Variants in RYR1 observed in about 807,000 individuals in gnomAD.
The protein encoded by RYR1 is ryanodine receptor 1, also known as central core disease of muscle.
Under a neutral mutation model 583.5 loss-of-function variants are expected in RYR1, and 342 were observed. The ratio of observed to expected loss-of-function variants is 0.59; its 90% confidence interval spans 0.54 to 0.64. The LOEUF is 0.64. Among genes scored for constraint, RYR1 ranks in the 30% least tolerant of loss-of-function variants. The pLI, the probability that RYR1 is intolerant of heterozygous loss-of-function variation, is 0.00. For missense variants in RYR1, 6,032 were observed against 6,917.2 expected (o/e 0.87, Z 4.54); for synonymous variants, 2,791 against 2,822.5 (o/e 0.99, Z 0.35).
At position 38,499,706 on chromosome 19, in the gene RYR1, G is replaced by T. The variant is rs146306934; in HGVS notation, c.7099G>T (p.Ala2367Ser). ...CCGGAAGCCTGAGTGCTTCGGACCC[G>T]CCCTGCGGGGTGAGGGTGGCTCAGG... ...LIRKPECFGP[A>S]LRGEGGSGLL... Residue 2367 changes from alanine to serine, a missense_variant, in exon 44 of 106, where the codon GCC (alanine) becomes TCC (serine). Coordinates refer to ENST00000359596, the MANE Select transcript of RYR1 (RefSeq NM_000540.3). This position sits in a 1 kb window ranked among gnomAD's most constrained non-coding sequence, Gnocchi z 7.3. 7 of 1,601,198 alleles carry T rather than the reference G, an allele frequency of 4.4e-6. No individual in the cohort carries two copies. The highest frequency in any genetic ancestry group is 5.9e-6 in the Non-Finnish European group (7 of 1,179,678).
intron 83 of RYR1, chr19:38,537,148 C>A: frequency 3.1e-6 from 1 of 318,826 alleles, no homozygotes; most frequent in South Asian, 4.3e-5. Flanking sequence ...TCTCTGCACC[C>A]CGACCTCAGA....
chr19:38,546,834 C>G (rs1972450948), intron 88 of RYR1, among the ~76,000 whole-genome samples: 1 of 144,260 alleles, frequency 6.9e-6, no homozygotes, highest in African/African-American at 2.6e-5. Flanking sequence ...TGCCTGTAGA[C>G]CCAGCTACTC....
chr19:38,518,900 C>T (rs1446769847), intron 66 of RYR1, among the ~76,000 whole-genome samples: 1 of 150,424 alleles, frequency 6.6e-6, no homozygotes, highest in Admixed American at 6.6e-5. Flanking sequence ...GCACTCCAGT[C>T]TGGGTGACAA....
At chr19:38,557,500 G>A (rs960825376) in intron 89 of RYR1, among the ~76,000 whole-genome samples, 5 of 152,238 alleles carry the variant, frequency 3.3e-5, no homozygotes, top group African/African-American at 9.6e-5. Flanking sequence ...CAGCGAAGCT[G>A]AGAGTTGAAA....
chr19:38,582,975 T>C (rs1599669653), intron 101 of RYR1, among the ~76,000 whole-genome samples: 1 of 152,076 alleles, frequency 6.6e-6, no homozygotes. Context: ...AGGATGACTG[T>C]GTTCTCTCAC....
intron 12 of RYR1, among the ~76,000 whole-genome samples, chr19:38,452,419 G>T (rs936264065): frequency 5.3e-5 from 8 of 152,088 alleles, no homozygotes; most frequent in African/African-American, 1.7e-4. Flanking sequence ...GACAGAGCGA[G>T]ACCCTTCTCA....
rs750801612 is a variant in RYR1, at chr19:38,448,904, A to G, written c.1122+91A>G. The G allele has an allele frequency of 1.3e-4, 159 of 1,237,480 alleles. 1 individual carries two copies. The highest frequency in any genetic ancestry group is 1.7e-4 in the Non-Finnish European group (152 of 869,088). The allele number at this position is 1,237,480 out of a possible 1,614,324, so 76.7% of individuals were successfully genotyped here. Reference sequence around the variant, plus strand: ...GCTGCAGTGAGCTGGTGATCATGCCACTGTACTCCAGCCTGGGTGACAGAG... The same window carrying G: ...GCTGCAGTGAGCTGGTGATCATGCCGCTGTACTCCAGCCTGGGTGACAGAG... On this transcript the variant is annotated intron_variant, in intron 11 of 105. Transcript: ENST00000359596.
chr19:38,484,943 C>T (rs1373020534), intron 33 of RYR1, among the ~76,000 whole-genome samples: 1 of 151,986 alleles, frequency 6.6e-6, no homozygotes, highest in Non-Finnish European at 1.5e-5. Flanking sequence ...TGCACTCTAG[C>T]CTGGGCAACA....
chr19:38,561,028 G>C lies in RYR1; in HGVS notation c.12283-85G>C. 7.8e-7 allele frequency: 1 copy of C among 1,289,054 alleles called. No homozygotes were observed. Among genetic ancestry groups the C allele is most frequent in the Non-Finnish European group, 1.1e-6 (1 of 916,764 alleles). The allele number at this position is 1,289,054 out of a possible 1,614,324, so 79.9% of individuals were successfully genotyped here. On this transcript the variant is annotated intron_variant, in intron 89 of 105. Transcript: ENST00000359596. This position sits in a 1 kb window ranked among gnomAD's most constrained non-coding sequence, Gnocchi z 4.8. ...TGCACTCCAGCCTGGGCGACACAGC[G>C]AGACCTTGTCTTAAAAAAAAAAAAA...
intron 61 of RYR1, 72 bp from the exon 62 acceptor site, chr19:38,512,000 T>C: frequency 6.6e-7 from 1 of 1,524,414 alleles, no homozygotes; most frequent in South Asian, 1.2e-5. Context: ...GCGGTTGGGG[T>C]GGATGTAGAG....
chr19:38,501,515 G>T (rs910782885), intron 47 of RYR1, among the ~76,000 whole-genome samples: 4 of 152,146 alleles, frequency 2.6e-5, no homozygotes, highest in African/African-American at 9.7e-5. Flanking sequence ...TATTTTGTTC[G>T]CAGTATTGGT....
chr19:38,510,146 C>A (rs1970661344), intron 58 of RYR1, among the ~76,000 whole-genome samples: 1 of 151,998 alleles, frequency 6.6e-6, no homozygotes, highest in Admixed American at 6.6e-5. Context: ...CATGGTGAAA[C>A]CTTGGCTGTA....
At chr19:38,511,464 C>G in intron 60 of RYR1, 97 bp from the exon 61 acceptor site, 1 of 1,277,916 alleles carries the variant, frequency 7.8e-7, no homozygotes, top group Non-Finnish European at 1.1e-6. Context: ...CTTGTCTTCT[C>G]TGTCCCTGTC....
At chr19:38,493,710 G>C (rs532703342) in intron 38 of RYR1, among the ~76,000 whole-genome samples, 14 of 152,006 alleles carry the variant, frequency 9.2e-5, no homozygotes, top group African/African-American at 3.4e-4. Context: ...AGTAGAGACG[G>C]GGCTTCACCA....
Position 38,580,451 on chromosome 19 carries a change from A to G in RYR1, c.14593A>G (p.Asn4865Asp), listed in dbSNP as rs758880761. 6.2e-7 allele frequency: 1 copy of G among 1,614,160 alleles called. No homozygotes were observed. Among genetic ancestry groups the G allele is most frequent in the Non-Finnish European group, 8.5e-7 (1 of 1,180,040 alleles). ...CTTCAACTTCTTCCGCAAGTTCTAC[A>G]ACAAGAGCGAGGATGAGGATGAACC... ...VAFNFFRKFYNKSEDEDEPDM... is the reference protein window; with the variant it reads ...VAFNFFRKFYDKSEDEDEPDM... The change falls in exon 101 of 106, where the codon AAC becomes GAC. Residue 4865 changes from asparagine (N) to aspartate (D), a missense_variant. Transcript: ENST00000359596.
chr19:38,512,040 T>C lies in RYR1; in HGVS notation c.9173-32T>C. ...GCACTGTCCTCTGTCCTCTTAGCCA[T>C]GGCATCCCCCCGGCCCATCTTCCTC... On this transcript the variant is annotated intron_variant, in intron 61 of 105. Coordinates refer to ENST00000359596, the MANE Select transcript of RYR1 (RefSeq NM_000540.3). This position sits in a 1 kb window ranked among gnomAD's most constrained non-coding sequence, Gnocchi z 5.1. 6.2e-7 allele frequency: 1 copy of C among 1,609,794 alleles called. No individual in the cohort carries two copies. The highest frequency in any genetic ancestry group is 8.5e-7 in the Non-Finnish European group (1 of 1,177,840).
rs202160739 is a variant in RYR1 at position 38,504,753 on chromosome 19, C to T, written c.8073C>T (p.Tyr2691=). The T allele has an allele frequency of 2.3e-4, 371 of 1,613,970 alleles. No individual in the cohort carries two copies. The highest frequency in any genetic ancestry group is 2.8e-4 in the Non-Finnish European group (335 of 1,180,028). The change falls in exon 51 of 106, where the codon TAC becomes TAT. Residue 2691 remains tyrosine (Y), a synonymous_variant. Coordinates refer to ENST00000359596, the MANE Select transcript of RYR1 (RefSeq NM_000540.3). Reference sequence around the variant, plus strand: ...GCTTCACCCGGTTTTCCCAGAAATACGACCCGGAGCTGTACCGCATGGCCA... The same window carrying T: ...GCTTCACCCGGTTTTCCCAGAAATATGACCCGGAGCTGTACCGCATGGCCA... ...GIFDSLAHKK[Y]DPELYRMAMP... is the part of the protein sequence containing the mutation.
intron 101 of RYR1, among the ~76,000 whole-genome samples, chr19:38,583,330 T>C (rs2145906604): frequency 7.0e-6 from 1 of 143,262 alleles, no homozygotes; most frequent in East Asian, 2.0e-4. Flanking sequence ...AGTACAAAAA[T>C]TAGCTGGGTG....
At position 38,463,151 on chromosome 19, in the gene RYR1, C is replaced by A. The variant is rs867287835; in HGVS notation, c.2578-272C>A. Among the ~76,000 whole-genome samples, 12 of 69,858 alleles carry A rather than the reference C, an allele frequency of 1.7e-4. 3 individuals carry two copies. The highest frequency in any genetic ancestry group is 2.6e-4 in the Non-Finnish European group (7 of 26,768). 45.8% of individuals were successfully genotyped at this position (69,858 alleles called of 152,430 possible). Reference sequence around the variant, plus strand: ...GACCTCAGGCGATCTGCCCCCCCCCCCCCCACTTAGCCTCCCAAAGTGCTG... The same window carrying A: ...GACCTCAGGCGATCTGCCCCCCCCCACCCCACTTAGCCTCCCAAAGTGCTG... On this transcript the variant is annotated intron_variant, in intron 20 of 105. Coordinates refer to ENST00000359596, the MANE Select transcript of RYR1 (RefSeq NM_000540.3).
Sources: allele counts gnomAD v4.1 joint callset (sites outside exome capture counted in the v4.1 genomes callset), GRCh38; gene constraint gnomAD v4.1.1; non-coding constraint Gnocchi (gnomAD v3.1); transcripts MANE v1.5; gene names NCBI Gene and HGNC (gene_info 2026-07-23, HGNC 2026-07-21).